C16orf95: variants seen among roughly 807,000 people sequenced by gnomAD.
The protein encoded by C16orf95 is uncharacterized protein C16orf95.
C16orf95 carries 41 observed loss-of-function variants against 32.1 expected under a neutral mutation model. That is an observed-to-expected ratio of 1.28 (90% CI 1.00 to 1.66). The LOEUF is 1.66. C16orf95 is among the 40% of genes most tolerant of loss of function. C16orf95 has a pLI of 0.00. For missense variants in C16orf95, 399 were observed against 325.9 expected (o/e 1.22, Z -1.73); for synonymous variants, 147 against 128.9 (o/e 1.14, Z -0.95).
chr16:87,316,097 C>A (rs1904327018), intron 1 of C16orf95, among the ~76,000 whole-genome samples: 1 of 152,202 alleles, frequency 6.6e-6, no homozygotes. Flanking sequence ...CTGACTCCAG[C>A]TACACTTGTG....
chr16:87,310,206 G>A, intron 5 of C16orf95, 91 bp downstream of exon 5: 1 of 1,285,216 alleles, frequency 7.8e-7, no homozygotes, highest in Non-Finnish European at 1.1e-6. Context: ...GGTGTCTGGT[G>A]ATGAGAGGTC....
intron 4 of C16orf95, among the ~76,000 whole-genome samples, chr16:87,310,537 G>C (rs1597345053): frequency 6.6e-6 from 1 of 152,210 alleles, no homozygotes; most frequent in East Asian, 1.9e-4. Flanking sequence ...GGAAGTCAGG[G>C]GGAAGGAAGG....
rs1327269558 is a variant in C16orf95, at chr16:87,315,092, T to G, written c.209A>C (p.His70Pro). ...KEVCLPRHSM[H>P]PGPWAICCEC... is the part of the protein sequence containing the mutation. ...ACAGCAGATGGCCCAGGGGCCAGGGTGCATCTGAGTAAGATCCAGAAATGA... is the reference window on the plus strand; with the variant it reads ...ACAGCAGATGGCCCAGGGGCCAGGGGGCATCTGAGTAAGATCCAGAAATGA... Residue 70 changes from histidine (H) to proline (P), a missense_variant, in exon 3 of 7, where the codon CAC becomes CCC. Coordinates refer to ENST00000567970, the MANE Select transcript of C16orf95 (RefSeq NM_001195124.3). 5 of 1,535,532 alleles carry G rather than the reference T, an allele frequency of 3.3e-6. No homozygotes were observed. The highest frequency in any genetic ancestry group is 4.4e-6 in the Non-Finnish European group (5 of 1,146,768).
At chr16:87,303,430 T>A (rs1567601601) in intron 6 of C16orf95, 1 of 235,744 alleles carries the variant, frequency 4.2e-6, no homozygotes, top group African/African-American at 2.2e-5. Context: ...GCCCACCCTC[T>A]CCCCCCACCC....
At position 87,305,505 on chromosome 16, in the gene C16orf95, G is replaced by GAGGCCCCCGCCA. The variant is rs1910976436; in HGVS notation, c.701+213_701+214insTGGCGGGGGCCT. Reference sequence around the variant, plus strand: ...GGAAGTGCCCCACGAGGCCCCCGCCGCCCCCAGGCTGCCCTGGCATCTCTA... The same window carrying GAGGCCCCCGCCA: ...GGAAGTGCCCCACGAGGCCCCCGCCGAGGCCCCCGCCACCCCCAGGCTGCCCTGGCATCTCTA... On this transcript the variant is annotated intron_variant, in intron 6 of 6. Coordinates refer to ENST00000567970, the MANE Select transcript of C16orf95 (RefSeq NM_001195124.3). The surrounding 1 kb of genome is among the most constrained non-coding windows in gnomAD (Gnocchi z 4.2). Among the ~76,000 whole-genome samples the GAGGCCCCCGCCA allele has an allele frequency of 7.7e-5, 6 of 78,392 alleles. No homozygotes were observed. The highest frequency in any genetic ancestry group is 1.8e-4 in the Non-Finnish European group (5 of 27,342). The allele number at this position is 78,392 out of a possible 152,430, so 51.4% of individuals were successfully genotyped here.
Position 87,303,127 on chromosome 16 carries a change from G to C in C16orf95, c.702-52C>G, listed in dbSNP as rs1910841089. On this transcript the variant is annotated intron_variant, in intron 6 of 6. Coordinates refer to ENST00000567970, the MANE Select transcript of C16orf95 (RefSeq NM_001195124.3). ...AGGACCCGGCCCCAGGCTGAGACCA[G>C]CTGCCCTCAGCGCGTGCCCTTGGGA... 14 of 1,530,180 alleles carry C rather than the reference G, an allele frequency of 9.1e-6. 1 individual carries two copies. Among genetic ancestry groups the C allele is most frequent in the Non-Finnish European group, 1.1e-5 (13 of 1,141,568 alleles). 94.8% of individuals were successfully genotyped at this position (1,530,180 alleles called of 1,614,324 possible).
At chr16:87,315,472 C>A (rs950697641) in intron 2 of C16orf95, among the ~76,000 whole-genome samples, 1 of 152,222 alleles carries the variant, frequency 6.6e-6, no homozygotes, top group African/African-American at 2.4e-5. Flanking sequence ...GCTTCCACAT[C>A]CATCCCATGT....
Position 87,312,138 on chromosome 16 carries a change from T to C in C16orf95, c.331-842A>G, listed in dbSNP as rs538039289. Among the ~76,000 whole-genome samples the C allele has an allele frequency of 1.6e-4, 24 of 152,298 alleles. 1 individual carries two copies. The South Asian group carries it at 5.0e-3, about 32-fold the overall frequency. On this transcript the variant is annotated intron_variant, in intron 3 of 6. Coordinates refer to ENST00000567970, the MANE Select transcript of C16orf95 (RefSeq NM_001195124.3). ...CCCTTGGCACTGTGACCCTGCAGCT[T>C]CTCCAGCGGAAAGACAGGGTGGTCC...
Position 87,314,999 on chromosome 16 carries a change from AC to A in C16orf95, c.301del (p.Val101SerfsTer5). 6.5e-7 allele frequency: 1 copy of A among 1,536,100 alleles called. No individual in the cohort carries two copies. ...SRVEAALPYW[V>X]PLSLRPRKQS... ...CTTTCGGGGTCTCAGGGACAGAGGGACCCAGTAAGGCAGTGCTGCTTCCACC... is the reference window on the plus strand; with the variant it reads ...CTTTCGGGGTCTCAGGGACAGAGGGACCAGTAAGGCAGTGCTGCTTCCACC... On this transcript the variant is annotated frameshift_variant, in exon 3 of 7. Coordinates refer to ENST00000567970, the MANE Select transcript of C16orf95 (RefSeq NM_001195124.3). LOFTEE classifies it high-confidence loss of function.
At chr16:87,304,314 TC>T (rs1910904678) in intron 6 of C16orf95, among the ~76,000 whole-genome samples, 18 of 151,444 alleles carry the variant, frequency 1.2e-4, no homozygotes, top group South Asian at 4.2e-4. Context: ...TTGCCCATCC[TC>T]TAAGGCTGGG....
chr16:87,307,135 A>T (rs1348615954), intron 5 of C16orf95, among the ~76,000 whole-genome samples: 1 of 152,170 alleles, frequency 6.6e-6, no homozygotes, highest in African/African-American at 2.4e-5. Context: ...TCATTCATAG[A>T]TTCCATCAAG....
At chr16:87,315,648 C>T (rs936867232) in intron 2 of C16orf95, 124 bp downstream of exon 2, 7 of 753,116 alleles carry the variant, frequency 9.3e-6, no homozygotes, top group Non-Finnish European at 1.2e-5. Context: ...CTCCTGCAAC[C>T]ACACTTTTGT....
At position 87,310,332 on chromosome 16, in the gene C16orf95, A is replaced by C; in HGVS notation, c.479T>G (p.Ile160Arg). 1.3e-6 allele frequency: 2 copies of C among 1,536,084 alleles called. No homozygotes were observed. The highest frequency in any genetic ancestry group is 1.7e-6 in the Non-Finnish European group (2 of 1,146,900). ...VPQVLRSQQQIVRRQQSLKGI... is the reference protein window; with the variant it reads ...VPQVLRSQQQRVRRQQSLKGI... ...TTTCAAACTCTGCTGCCTCCTGACT[A>C]TCTAAAAGACAAGAATGGAGGCAAG... Residue 160 changes from isoleucine (I) to arginine (R), a missense_variant and splice_region_variant, in exon 5 of 7, where the codon ATA becomes AGA. Ile to Arg is a moderately conservative substitution (Grantham distance 97). Transcript: ENST00000567970.
chr16:87,315,687 C>A, intron 2 of C16orf95, 85 bp downstream of exon 2: 1 of 1,071,552 alleles, frequency 9.3e-7, no homozygotes, highest in Non-Finnish European at 1.3e-6. Context: ...TGGGATGCAG[C>A]TTCTGGACCC....
chr16:87,310,072 G>C lies in C16orf95; in HGVS notation c.514+225C>G, dbSNP rs1288309306. The stretch of plus-strand genomic sequence containing the variant: ...TCCAGAGAACCGATGCTGGCAGATG[G>C]GTAGGGTCTGCCTGTAGAGCAGAGG... On this transcript the variant is annotated intron_variant, in intron 5 of 6. Transcript: ENST00000567970. 2.0e-5 allele frequency among the ~76,000 whole-genome samples: 3 copies of C among 152,192 alleles called. No individual in the cohort carries two copies. The East Asian group carries it at 5.8e-4, about 29-fold the overall frequency.
intron 2 of C16orf95, among the ~76,000 whole-genome samples, chr16:87,315,456 G>A (rs960868898): frequency 9.2e-5 from 14 of 152,218 alleles, no homozygotes; most frequent in Non-Finnish European, 1.6e-4. Context: ...ACTCTGGTGT[G>A]CAAGAGCTTC....
intron 3 of C16orf95, among the ~76,000 whole-genome samples, chr16:87,313,557 G>T (rs541655560): frequency 1.3e-5 from 2 of 152,232 alleles, no homozygotes; most frequent in African/African-American, 4.8e-5. Context: ...AACATAGTGA[G>T]ACCTCATCTC....
At chr16:87,310,629 GC>G (rs1411875230) in intron 4 of C16orf95, among the ~76,000 whole-genome samples, 1 of 152,206 alleles carries the variant, frequency 6.6e-6, no homozygotes, top group Non-Finnish European at 1.5e-5. Context: ...TGCTGCCGCT[GC>G]CCAGAACTAG....
rs1205041749 is a variant in C16orf95 at position 87,317,264 on chromosome 16, G to A, written c.-22C>T. 2 of 1,505,100 alleles carry A rather than the reference G, an allele frequency of 1.3e-6. No individual in the cohort carries two copies. The highest frequency in any genetic ancestry group is 1.2e-5 in the South Asian group (1 of 80,364). 93.2% of individuals were successfully genotyped at this position (1,505,100 alleles called of 1,614,324 possible). On this transcript the variant is annotated 5_prime_UTR_variant, in exon 1 of 7. Transcript: ENST00000567970. ...GCATATGGCTTCTTATGGCTGACGC[G>A]CCCTTTCACACACACATCGTCCGCA...
Sources: gnomAD v4.1 joint callset for allele counts (sites outside exome capture counted in the v4.1 genomes callset) on GRCh38, gnomAD v4.1.1 for gene constraint, Gnocchi (gnomAD v3.1) non-coding constraint, MANE v1.5 for transcripts, NCBI Gene and HGNC (gene_info 2026-07-23, HGNC 2026-07-21) for gene names.